Variants in BMX observed in about 807,000 individuals in gnomAD.
The protein encoded by BMX is BMX non-receptor tyrosine kinase.
Under a neutral mutation model 59.2 loss-of-function variants are expected in BMX, and 31 were observed. The ratio of observed to expected loss-of-function variants is 0.52; its 90% CI spans 0.39 to 0.71. The LOEUF is 0.71. BMX is among the 30% of genes least tolerant of loss of function. The probability of loss-of-function intolerance (pLI) is 0.00; values close to 1 mark genes in which losing one functional copy is unlikely to be tolerated. For synonymous variants in BMX, 185 were observed against 181.0 expected, an observed-to-expected ratio of 1.02 and a Z score of -0.18; for missense variants, 474 against 491.7, an observed-to-expected ratio of 0.96 and a Z score of 0.34.
chrX:15,537,400 A>G, intron 14 of BMX, 95 bp downstream of exon 14: 1 of 910,872 alleles, frequency 1.1e-6, no homozygotes, highest in South Asian at 2.2e-5. Context: ...CCTAGAGCAA[A>G]AGTCCACATA....
chrX:15,526,792 G>T (rs1387377705), intron 9 of BMX, among the ~76,000 whole-genome samples: 1 of 109,641 alleles, frequency 9.1e-6, no homozygotes, highest in Non-Finnish European at 1.9e-5. Context: ...CGCCATGTTT[G>T]CCAGGCTGGT....
chrX:15,508,311 G>T, intron 1 of BMX, 34 bp from the exon 2 acceptor site: 1 of 1,019,458 alleles, frequency 9.8e-7, no homozygotes, highest in Non-Finnish European at 1.3e-6. Context: ...CCTAGATGCT[G>T]CAAATACTCA....
Position 15,537,288 on chromosome X carries a change from G to A in BMX, c.1377G>A (p.Gln459=). The change falls in exon 14 of 19, where the codon CAG becomes CAA. Residue 459 remains glutamine, a synonymous_variant. Transcript: ENST00000348343. ...EGSMSEDEFF[Q]EAQTMMKLSH... is the part of the protein sequence containing the mutation. ...CCATGTCAGAAGATGAATTCTTTCA[G>A]GAGGCCCAGACTATGATGTAAGTTT... is the stretch of plus-strand genomic sequence containing the variant. The A allele has an allele frequency of 2.5e-6, 3 of 1,210,881 alleles. No individual in the cohort carries two copies. The highest frequency in any genetic ancestry group is 3.4e-6 in the Non-Finnish European group (3 of 895,123).
chrX:15,534,364 A>T, intron 12 of BMX, 25 bp downstream of exon 12: 1 of 1,140,551 alleles, frequency 8.8e-7, no homozygotes, highest in African/African-American at 1.8e-5. Flanking sequence ...TTTTTCTTTT[A>T]TGGGCCCTTG....
chrX:15,518,062 C>A, intron 6 of BMX, 69 bp downstream of exon 6: 1 of 917,365 alleles, frequency 1.1e-6, no homozygotes, highest in East Asian at 3.1e-5. Flanking sequence ...TTGCCAGATT[C>A]AAGACTAGAA....
intron 3 of BMX, among the ~76,000 whole-genome samples, chrX:15,510,746 G>C (rs921635303): frequency 2.7e-5 from 3 of 112,009 alleles, no homozygotes; most frequent in African/African-American, 9.7e-5. Flanking sequence ...AAGTAGCTAG[G>C]AAAGAGCCCA....
rs180859820 is a variant in BMX at position 15,506,539 on chromosome X, A to G, written c.-9-1806A>G. ...ATGTCCAATGTGATATTGCCTCCCC[A>G]AAGGAGGCTTTCACTCAAAAAAAGT... is the stretch of plus-strand genomic sequence containing the variant. On this transcript the variant is annotated intron_variant, in intron 1 of 18. Transcript: ENST00000348343. Among the ~76,000 whole-genome samples the G allele has an allele frequency of 5.7e-4, 64 of 112,163 alleles. 1 individual carries two copies. The East Asian group carries it at 0.015, about 27-fold the overall frequency.
At chrX:15,527,247 A>ATATATAT (rs1569224670) in intron 9 of BMX, among the ~76,000 whole-genome samples, 6 of 56,324 alleles carry the variant, frequency 1.1e-4, no homozygotes, top group South Asian at 1.2e-3. Flanking sequence ...CACACACACA[A>ATATATAT]ATATATATAT....
chrX:15,538,600 C>G (rs970600514), intron 14 of BMX, among the ~76,000 whole-genome samples: 1 of 111,724 alleles, frequency 9.0e-6, no homozygotes, highest in African/African-American at 3.3e-5. Flanking sequence ...CATAAGAAAC[C>G]TATGAGGGTT....
At chrX:15,536,546 T>A in intron 13 of BMX, 119 bp downstream of exon 13, 1 of 536,523 alleles carries the variant, frequency 1.9e-6, no homozygotes. Context: ...AGGCCTCTGT[T>A]CAGATTGTAT....
chrX:15,525,390 A>G, intron 8 of BMX, 25 bp downstream of exon 8: 1 of 1,158,483 alleles, frequency 8.6e-7, no homozygotes, highest in African/African-American at 1.8e-5. Context: ...GATATCTCCT[A>G]CATCCAGAAT....
chrX:15,529,887 C>G (rs1222360136), intron 9 of BMX, 86 bp from the exon 10 acceptor site: 2 of 879,035 alleles, frequency 2.3e-6, no homozygotes, highest in African/African-American at 3.9e-5. Context: ...AAGCCAATGC[C>G]TCATTTTACA....
At chrX:15,553,991 G>A (rs1162116108) in intron 18 of BMX, among the ~76,000 whole-genome samples, 2 of 112,373 alleles carry the variant, frequency 1.8e-5, no homozygotes, top group African/African-American at 6.5e-5. Context: ...AATGAGCAGA[G>A]CTTATAGATT....
intron 4 of BMX, among the ~76,000 whole-genome samples, chrX:15,512,985 A>C (rs1924020157): frequency 8.9e-6 from 1 of 111,779 alleles, no homozygotes; most frequent in African/African-American, 3.3e-5. Flanking sequence ...AAGCAAAAAC[A>C]CATCTCCTAG....
intron 4 of BMX, among the ~76,000 whole-genome samples, chrX:15,514,007 G>GT (rs1924056916): frequency 8.9e-6 from 1 of 111,823 alleles, no homozygotes; most frequent in Admixed American, 9.5e-5. Context: ...GAATATATGA[G>GT]TTCCTCTTAT....
chrX:15,536,568 T>C (rs1925360989), intron 13 of BMX, 141 bp downstream of exon 13: 2 of 449,671 alleles, frequency 4.4e-6, no homozygotes, highest in Admixed American at 4.8e-5. Context: ...AGGAAGGATT[T>C]TCTTTAAAAA....
At position 15,534,319 on chromosome X, in the gene BMX, A is replaced by G; in HGVS notation, c.1127A>G (p.Tyr376Cys). ...CFDSIPKLIH[Y>C]HQHNSAGMIT... ...GATTCCATTCCAAAGCTTATTCATTATCATCAACACAATTCAGCAGGTAAC... is the reference window on the plus strand; with the variant it reads ...GATTCCATTCCAAAGCTTATTCATTGTCATCAACACAATTCAGCAGGTAAC... The change falls in exon 12 of 19, where the codon TAT (tyrosine) becomes TGT (cysteine). Residue 376 changes from tyrosine (Y) to cysteine (C), a missense_variant. Tyr to Cys is a radical substitution (Grantham distance 194). Transcript: ENST00000348343. The G allele has an allele frequency of 3.4e-6, 4 of 1,187,267 alleles. No homozygotes were observed. The highest frequency in any genetic ancestry group is 4.5e-6 in the Non-Finnish European group (4 of 885,475).
intron 16 of BMX, among the ~76,000 whole-genome samples, chrX:15,545,123 A>G (rs1035598009): frequency 1.8e-5 from 2 of 112,202 alleles, no homozygotes; most frequent in African/African-American, 6.5e-5. Flanking sequence ...AGTAAAAAGT[A>G]GAATTGTTAG....
At chrX:15,546,691 A>G (rs1367123452) in intron 16 of BMX, 112 bp from the exon 17 acceptor site, 3 of 563,669 alleles carry the variant, frequency 5.3e-6, no homozygotes, top group Non-Finnish European at 8.6e-6. Context: ...GAAAGGAAAC[A>G]AAAGTTCCAG....
Sources: allele counts gnomAD v4.1 joint callset (sites outside exome capture counted in the v4.1 genomes callset), GRCh38; gene constraint gnomAD v4.1.1; transcripts MANE v1.5; gene names NCBI Gene and HGNC (gene_info 2026-07-23, HGNC 2026-07-21).